EIF5A2: variants seen among roughly 807,000 people sequenced by gnomAD.
EIF5A2 encodes eukaryotic translation initiation factor 5A-2.
Under a neutral mutation model 16.4 loss-of-function variants are expected in EIF5A2, and 15 were observed. The observed-to-expected ratio is 0.92, with a 90% CI of 0.61 to 1.41. The LOEUF is 1.41. Among genes scored for constraint, EIF5A2 ranks in the 40% most tolerant of loss-of-function variants. The pLI is 0.00. For synonymous variants in EIF5A2, 48 were observed against 61.1 expected (o/e 0.79, Z 1.00); for missense variants, 144 against 189.5 (o/e 0.76, Z 1.41).
At chr3:170,901,860 G>A (rs1712823638) in intron 3 of EIF5A2, among the ~76,000 whole-genome samples, 1 of 152,176 alleles carries the variant, frequency 6.6e-6, no homozygotes, top group African/African-American at 2.4e-5. Context: ...CCCCCAGAGT[G>A]TAGCACTCTT....
rs993085689 is a variant in EIF5A2 at position 170,891,116 on chromosome 3, T to C, written c.*2244A>G. On this transcript the variant is annotated 3_prime_UTR_variant, in exon 5 of 5. Transcript: ENST00000295822. ...TTGAAAATATATTTATGTGAAATTT[T>C]ACAAGTTAGGAAGAACAGGGGCATG... is the stretch of plus-strand genomic sequence containing the variant. 2.6e-5 allele frequency: 4 copies of C among 152,534 alleles called. No individual in the cohort carries two copies. Among genetic ancestry groups the C allele is most frequent in the Non-Finnish European group, 5.9e-5 (4 of 67,998 alleles). The allele number at this position is 152,534 out of a possible 1,614,324, so 9.4% of individuals were successfully genotyped here.
chr3:170,906,928 T>C, intron 3 of EIF5A2, 61 bp downstream of exon 3: 1 of 1,086,324 alleles, frequency 9.2e-7, no homozygotes, highest in African/African-American at 1.6e-5. Context: ...TTATTACTGA[T>C]AGTACAAAGT....
chr3:170,897,946 C>A (rs1712714187), intron 3 of EIF5A2, among the ~76,000 whole-genome samples: 1 of 152,158 alleles, frequency 6.6e-6, no homozygotes, highest in South Asian at 2.1e-4. Flanking sequence ...TGGGAGCCTA[C>A]CTTTTGGATC....
At position 170,890,437 on chromosome 3, in the gene EIF5A2, G is replaced by A. The variant is rs1391162943; in HGVS notation, c.*2923C>T. ...GGTACAGAGACTTGTATCATTAAGG[G>A]AAACAGAGTCAAGAGCTTGGTTAGC... On this transcript the variant is annotated 3_prime_UTR_variant, in exon 5 of 5. Transcript: ENST00000295822. 6.6e-6 allele frequency: 1 copy of A among 152,018 alleles called. No individual in the cohort carries two copies. The highest frequency in any genetic ancestry group is 1.5e-5 in the Non-Finnish European group (1 of 67,964). The allele number at this position is 152,018 out of a possible 1,614,324, so 9.4% of individuals were successfully genotyped here.
rs142263310 is a variant in EIF5A2, at chr3:170,893,841, T to C, written c.403-422A>G. Among the ~76,000 whole-genome samples, 665 of 152,274 alleles carry C rather than the reference T, an allele frequency of 4.4e-3. 1 individual carries two copies. Among genetic ancestry groups the C allele is most frequent in the Non-Finnish European group, 6.2e-3 (424 of 68,024 alleles). ...TGAGGTCAGGAGTTCAAAACCAGCT[T>C]GGCCAACATGCTGAAACCCAATCTT... On this transcript the variant is annotated intron_variant, in intron 4 of 4. Transcript: ENST00000295822.
intron 3 of EIF5A2, among the ~76,000 whole-genome samples, chr3:170,902,856 T>C (rs1453148041): frequency 6.6e-6 from 1 of 152,034 alleles, no homozygotes; most frequent in African/African-American, 2.4e-5. Flanking sequence ...CTGCCCGCCT[T>C]GGCCTCCCAA....
At chr3:170,903,584 G>C (rs970245471) in intron 3 of EIF5A2, among the ~76,000 whole-genome samples, 2 of 152,120 alleles carry the variant, frequency 1.3e-5, no homozygotes, top group African/African-American at 2.4e-5. Flanking sequence ...GCAACATTGG[G>C]CCCTATTGCT....
rs1374508049 is a variant in EIF5A2 at position 170,892,260 on chromosome 3, C to G, written c.*1100G>C. 6.6e-6 allele frequency: 1 copy of G among 152,096 alleles called. No homozygotes were observed. Among genetic ancestry groups the G allele is most frequent in the Non-Finnish European group, 1.5e-5 (1 of 68,018 alleles). The allele number at this position is 152,096 out of a possible 1,614,324, so 9.4% of individuals were successfully genotyped here. A position where few individuals can be genotyped will look rare whatever the true frequency, so the allele number is the denominator to read the frequency against. On this transcript the variant is annotated 3_prime_UTR_variant, in exon 5 of 5. Coordinates refer to ENST00000295822, the MANE Select transcript of EIF5A2 (RefSeq NM_020390.6). The stretch of plus-strand genomic sequence containing the variant: ...TAGACAACATGGTGAAACCCCATCT[C>G]TACTAAAATACACAAAAAAGTAGCT...
In EIF5A2 at chr3:170,901,777, G is replaced by A. The variant is rs142232817; in HGVS notation, c.270+5212C>T. On this transcript the variant is annotated intron_variant, in intron 3 of 4. Coordinates refer to ENST00000295822, the MANE Select transcript of EIF5A2 (RefSeq NM_020390.6). ...AGTTCTAATTTCTGAATTTAATTTT[G>A]TTTCTCAATCTATTTCAAAACAACC... is the stretch of plus-strand genomic sequence containing the variant. Among the ~76,000 whole-genome samples the A allele has an allele frequency of 4.4e-3, 675 of 152,216 alleles. 4 individuals carry two copies. Among genetic ancestry groups the A allele is most frequent in the Middle Eastern group, 0.01 (3 of 294 alleles).
chr3:170,908,303 A>G (rs887982160), intron 1 of EIF5A2, among the ~76,000 whole-genome samples: 2 of 152,114 alleles, frequency 1.3e-5, no homozygotes, highest in Non-Finnish European at 1.5e-5. Context: ...CCACCCTTCA[A>G]CGTCGCCGCC....
At position 170,888,602 on chromosome 3, in the gene EIF5A2, T is replaced by TA. The variant is rs1226785029; in HGVS notation, c.*4757dup. 6.6e-6 allele frequency: 1 copy of TA among 152,582 alleles called. No individual in the cohort carries two copies. The highest frequency in any genetic ancestry group is 1.5e-5 in the Non-Finnish European group (1 of 68,006). 9.5% of individuals were successfully genotyped at this position (152,582 alleles called of 1,614,324 possible). A position where few individuals can be genotyped will look rare whatever the true frequency, so the allele number is the denominator to read the frequency against. On this transcript the variant is annotated 3_prime_UTR_variant, in exon 5 of 5. Coordinates refer to ENST00000295822, the MANE Select transcript of EIF5A2 (RefSeq NM_020390.6). Reference sequence around the variant, plus strand: ...TAAAATGTACAATTAGTAATACCCATACTACGTATTTTAGAATTTTAAAGT... The same window carrying TA: ...TAAAATGTACAATTAGTAATACCCATAACTACGTATTTTAGAATTTTAAAGT...
intron 4 of EIF5A2, among the ~76,000 whole-genome samples, chr3:170,893,979 C>A (rs923051325): frequency 6.6e-6 from 1 of 150,930 alleles, no homozygotes; most frequent in African/African-American, 2.4e-5. Context: ...TGCAATGAGC[C>A]GAGATCACGC....
rs973882483 is a variant in EIF5A2 at position 170,899,231 on chromosome 3, G to T, written c.271-4808C>A. On this transcript the variant is annotated intron_variant, in intron 3 of 4. Coordinates refer to ENST00000295822, the MANE Select transcript of EIF5A2 (RefSeq NM_020390.6). ...TTTCATGGTATCTTTTTGTTTTTTG[G>T]GGGGTTTGGTTTTTCTGAGACCAGG... Among the ~76,000 whole-genome samples, 124 of 151,436 alleles carry T rather than the reference G, an allele frequency of 8.2e-4. 1 individual carries two copies. The highest frequency in any genetic ancestry group is 3.0e-3 in the African/African-American group (123 of 41,242).
At chr3:170,899,733 GAA>G (rs56115629) in intron 3 of EIF5A2, among the ~76,000 whole-genome samples, 1 of 143,220 alleles carries the variant, frequency 7.0e-6, no homozygotes, top group African/African-American at 2.5e-5. Context: ...CAAGCTTTAA[GAA>G]AAAAAAAAAG....
chr3:170,888,451 T>C lies in EIF5A2; in HGVS notation c.*4909A>G, dbSNP rs1251924679. 6.6e-6 allele frequency: 1 copy of C among 152,156 alleles called. No individual in the cohort carries two copies. Among genetic ancestry groups the C allele is most frequent in the Non-Finnish European group, 1.5e-5 (1 of 68,006 alleles). The allele number at this position is 152,156 out of a possible 1,614,324, so 9.4% of individuals were successfully genotyped here. On this transcript the variant is annotated 3_prime_UTR_variant, in exon 5 of 5. Transcript: ENST00000295822. ...GTTAACTATTTTTATTTAATACAAC[T>C]GATGAAGTTAACAGACAAATATATT...
chr3:170,907,863 G>C, intron 1 of EIF5A2, 22 bp from the exon 2 acceptor site: 6 of 1,470,032 alleles, frequency 4.1e-6, no homozygotes, highest in African/African-American at 1.4e-5. Context: ...GTTTGTGTTT[G>C]CTTTTTAACA....
At chr3:170,897,553 C>G (rs1712703941) in intron 3 of EIF5A2, among the ~76,000 whole-genome samples, 1 of 152,158 alleles carries the variant, frequency 6.6e-6, no homozygotes, top group Non-Finnish European at 1.5e-5. Context: ...GAGTGTAAGC[C>G]CTAATCCTTG....
chr3:170,897,906 G>A (rs1255166601), intron 3 of EIF5A2, among the ~76,000 whole-genome samples: 6 of 152,212 alleles, frequency 3.9e-5, no homozygotes, highest in Non-Finnish European at 8.8e-5. Context: ...GTACCCTGTA[G>A]AGCCACAGGG....
At chr3:170,906,739 A>AG (rs1416828092) in intron 3 of EIF5A2, among the ~76,000 whole-genome samples, 2 of 152,228 alleles carry the variant, frequency 1.3e-5, no homozygotes, top group African/African-American at 4.8e-5. Context: ...ACTTGGCCTG[A>AG]GAACACTAAT....
Sources: gnomAD v4.1 joint callset for allele counts (sites outside exome capture counted in the v4.1 genomes callset) on GRCh38, gnomAD v4.1.1 for gene constraint, MANE v1.5 for transcripts, NCBI Gene and HGNC (gene_info 2026-07-23, HGNC 2026-07-21) for gene names.